The following CLIC6 variants were observed in gnomAD, a reference collection of about 807,000 sequenced individuals.
CLIC6 encodes the protein chloride intracellular channel protein 6.
A neutral mutation model predicts 49.2 loss-of-function variants in CLIC6; 39 were observed. The ratio of observed to expected loss-of-function variants is 0.79; its 90% confidence interval spans 0.61 to 1.04. The LOEUF is 1.04. CLIC6 is among the 50% of genes least tolerant of loss of function. The pLI is 0.00. For synonymous variants in CLIC6, 446 were observed against 433.4 expected (o/e 1.03, Z -0.36); for missense variants, 988 against 993.1 (o/e 0.99, Z 0.07).
chr21:34,683,084 T>G (rs937410956), intron 1 of CLIC6, among the ~76,000 whole-genome samples: 14 of 152,280 alleles, frequency 9.2e-5, no homozygotes, highest in Middle Eastern at 3.4e-3. Flanking sequence ...GTGCTAGGAT[T>G]ACAGGCGTGA....
intron 5 of CLIC6, among the ~76,000 whole-genome samples, chr21:34,712,379 TA>T (rs977109729): frequency 2.0e-5 from 3 of 152,222 alleles, no homozygotes; most frequent in Admixed American, 2.0e-4. Flanking sequence ...ATCATCGACT[TA>T]AAGAGTAGGA....
chr21:34,712,712 C>A (rs775624378), intron 5 of CLIC6, among the ~76,000 whole-genome samples: 13 of 152,154 alleles, frequency 8.5e-5, no homozygotes, highest in Non-Finnish European at 1.9e-4. Flanking sequence ...AGGGAAGTGG[C>A]ATTTTGCATT....
chr21:34,680,321 A>G (rs1989753700), intron 1 of CLIC6, among the ~76,000 whole-genome samples: 1 of 152,342 alleles, frequency 6.6e-6, no homozygotes. Context: ...CAGGGCACTA[A>G]GTCCCTAGGC....
At chr21:34,703,732 G>A (rs373471203) in intron 1 of CLIC6, among the ~76,000 whole-genome samples, 4 of 152,166 alleles carry the variant, frequency 2.6e-5, no homozygotes, top group African/African-American at 7.2e-5. Context: ...TCGGACCTTG[G>A]TGGGGAGCCC....
chr21:34,670,555 C>G lies in CLIC6; in HGVS notation c.1167C>G (p.Gly389=). ...CAAGGGAGGAGGAAGCAGCGGGGGGCGAAGAGGAATCCCCCGACAGCAGCC... is the reference window on the plus strand; with the variant it reads ...CAAGGGAGGAGGAAGCAGCGGGGGGGGAAGAGGAATCCCCCGACAGCAGCC... The part of the protein sequence containing the change: ...EGPREEEAAG[G]EEESPDSSPH... The change falls in exon 1 of 6, where the codon GGC becomes GGG. Residue 389 remains glycine (G), a synonymous_variant. Coordinates refer to ENST00000349499, the MANE Select transcript of CLIC6 (RefSeq NM_053277.3). 2 of 1,500,074 alleles carry G rather than the reference C, an allele frequency of 1.3e-6. No homozygotes were observed. The highest frequency in any genetic ancestry group is 1.4e-5 in the African/African-American group (1 of 70,856). The allele number at this position is 1,500,074 out of a possible 1,614,324, so 92.9% of individuals were successfully genotyped here.
Position 34,716,319 on chromosome 21 carries a change from A to G in CLIC6, c.1900-2A>G, listed in dbSNP as rs756698489. On this transcript the variant is annotated splice_acceptor_variant, in intron 5 of 5. Transcript: ENST00000349499. LOFTEE classifies it high-confidence loss of function. ...TACTGATCATTTTCTCTTCATTTTC[A>G]GATTGTGGCCAAGAAGTACAGAGAT... The G allele has an allele frequency of 1.2e-6, 2 of 1,609,608 alleles. No homozygotes were observed. Among genetic ancestry groups the G allele is most frequent in the South Asian group, 2.2e-5 (2 of 89,938 alleles).
intron 5 of CLIC6, among the ~76,000 whole-genome samples, chr21:34,716,057 C>T (rs1484703476): frequency 4.6e-5 from 7 of 152,214 alleles, no homozygotes; most frequent in East Asian, 1.9e-4. Context: ...CTCGTGCCAG[C>T]GGATTCCAAG....
At chr21:34,672,362 G>T (rs1227055041) in intron 1 of CLIC6, among the ~76,000 whole-genome samples, 1 of 152,106 alleles carries the variant, frequency 6.6e-6, no homozygotes, top group Non-Finnish European at 1.5e-5. Context: ...CTGTGGTCTC[G>T]CTATGCCACC....
At chr21:34,687,612 T>C (rs1989906091) in intron 1 of CLIC6, among the ~76,000 whole-genome samples, 1 of 152,218 alleles carries the variant, frequency 6.6e-6, no homozygotes, top group Non-Finnish European at 1.5e-5. Flanking sequence ...TTTGCTAGAA[T>C]TGAAAGCTAG....
At chr21:34,705,952 G>C in intron 1 of CLIC6, 1 of 584,028 alleles carries the variant, frequency 1.7e-6, no homozygotes, top group East Asian at 2.9e-5. Context: ...TAGGCCCCAT[G>C]CAGCAGGACC....
At chr21:34,714,881 C>T in intron 5 of CLIC6, among the ~76,000 whole-genome samples, 1 of 152,108 alleles carries the variant, frequency 6.6e-6, no homozygotes, top group East Asian at 1.9e-4. Context: ...TGGCCTTAAA[C>T]AATGTACTCA....
intron 1 of CLIC6, among the ~76,000 whole-genome samples, chr21:34,688,422 C>T (rs1989924825): frequency 6.6e-6 from 1 of 152,344 alleles, no homozygotes; most frequent in African/African-American, 2.4e-5. Context: ...GGGTGGTCTC[C>T]TCTGCGGCTG....
In CLIC6 at chr21:34,704,814, A is replaced by T. The variant is rs996482539; in HGVS notation, c.1375-2466A>T. ...ATAGCAAGAAAAACAATTTCAAGGG[A>T]AATCACTAACTTGAGTTTGAGACCA... On this transcript the variant is annotated intron_variant, in intron 1 of 5. Transcript: ENST00000349499. Among the ~76,000 whole-genome samples, 12 of 152,234 alleles carry T rather than the reference A, an allele frequency of 7.9e-5. 1 individual carries two copies. Among genetic ancestry groups the T allele is most frequent in the Non-Finnish European group, 2.9e-5 (2 of 68,038 alleles).
chr21:34,684,676 C>T (rs1211525390), intron 1 of CLIC6, among the ~76,000 whole-genome samples: 1 of 152,208 alleles, frequency 6.6e-6, no homozygotes, highest in Non-Finnish European at 1.5e-5. Flanking sequence ...CTCTATGGCA[C>T]ATGAAAGATT....
At chr21:34,675,252 C>CA (rs71196903) in intron 1 of CLIC6, among the ~76,000 whole-genome samples, 20,607 of 100,830 alleles carry the variant, frequency 0.2, 1,870 homozygotes, top group Non-Finnish European at 0.23. Context: ...CCCGCCCCTC[C>CA]AAAAAAAAAA....
chr21:34,675,964 C>T (rs1264045376), intron 1 of CLIC6, among the ~76,000 whole-genome samples: 1 of 152,224 alleles, frequency 6.6e-6, no homozygotes, highest in Non-Finnish European at 1.5e-5. Context: ...GAAGCTCTTT[C>T]CTGCCATGTG....
intron 1 of CLIC6, among the ~76,000 whole-genome samples, chr21:34,673,375 C>CA (rs1989604104): frequency 6.6e-6 from 1 of 152,114 alleles, no homozygotes; most frequent in African/African-American, 2.4e-5. Flanking sequence ...CTGCAACCTC[C>CA]ACAGACTGGG....
At chr21:34,712,624 G>A in intron 5 of CLIC6, among the ~76,000 whole-genome samples, 1 of 152,192 alleles carries the variant, frequency 6.6e-6, no homozygotes, top group East Asian at 1.9e-4. Context: ...GCCACACAGA[G>A]ACGCCATCTT....
intron 5 of CLIC6, among the ~76,000 whole-genome samples, chr21:34,713,806 T>A (rs896840530): frequency 2.0e-5 from 3 of 152,138 alleles, no homozygotes; most frequent in Non-Finnish European, 4.4e-5. Flanking sequence ...CACTGAGACA[T>A]ACTTGATACA....
Sources: gnomAD v4.1 joint callset for allele counts (sites outside exome capture counted in the v4.1 genomes callset) on GRCh38, gnomAD v4.1.1 for gene constraint, MANE v1.5 for transcripts, NCBI Gene and HGNC (gene_info 2026-07-23, HGNC 2026-07-21) for gene names.